The following RANBP2 variants were observed in gnomAD, a reference collection of about 807,000 sequenced individuals.
RANBP2 encodes RAN binding protein 2.
Under a neutral mutation model 303.6 loss-of-function variants are expected in RANBP2, and 57 were observed. The observed-to-expected ratio is 0.19, with a 90% CI of 0.15 to 0.23. The LOEUF is 0.23. RANBP2 is among the 10% of genes least tolerant of loss of function. RANBP2 has a pLI of 1.00. For missense variants in RANBP2, 3,138 were observed against 3,780.8 expected (o/e 0.83, Z 4.46); for synonymous variants, 1,167 against 1,301.5 (o/e 0.90, Z 2.23).
the RANBP2 span, chr2:109,614,200 G>A: frequency 9.2e-7 from 1 of 1,088,690 alleles, no homozygotes; most frequent in Non-Finnish European, 1.1e-6. Flanking sequence ...TCGCGAGGCC[G>A]GAAGTGGGCG....
At chr2:109,616,016 TAA>T in the RANBP2 span, 14 of 1,525,854 alleles carry the variant, frequency 9.2e-6, no homozygotes, top group Non-Finnish European at 1.2e-5. Context: ...AACGACCTGT[TAA>T]AGGCCACTCG....
chr2:109,370,229 C>CTCTG, the RANBP2 span, among the ~76,000 whole-genome samples: 1 of 139,474 alleles, frequency 7.2e-6, no homozygotes, highest in East Asian at 2.0e-4. Context: ...CTGTCTCTGT[C>CTCTG]TCTCTCTCTC....
chr2:109,626,166 C>A, the RANBP2 span, among the ~76,000 whole-genome samples: 2 of 152,158 alleles, frequency 1.3e-5, no homozygotes, highest in African/African-American at 4.8e-5. Flanking sequence ...ACAGTAACAT[C>A]TAGATGATAA....
At chr2:109,307,257 C>T in the RANBP2 span, among the ~76,000 whole-genome samples, 2 of 152,142 alleles carry the variant, frequency 1.3e-5, no homozygotes, top group African/African-American at 4.8e-5. Flanking sequence ...TGTGTAGCCA[C>T]ATTGATTTAA....
the RANBP2 span, among the ~76,000 whole-genome samples, chr2:108,841,911 A>G: frequency 6.6e-6 from 1 of 152,086 alleles, no homozygotes; most frequent in African/African-American, 2.4e-5. Context: ...TCTTTGTATA[A>G]CTTTTCTAAT....
At chr2:109,143,533 A>G in the RANBP2 span, among the ~76,000 whole-genome samples, 2 of 152,152 alleles carry the variant, frequency 1.3e-5, no homozygotes, top group Non-Finnish European at 2.9e-5. Context: ...GCTTCAGCCC[A>G]GGAGCTTGAG....
the RANBP2 span, among the ~76,000 whole-genome samples, chr2:109,533,355 C>T: frequency 6.6e-6 from 1 of 152,192 alleles, no homozygotes; most frequent in South Asian, 2.1e-4. Flanking sequence ...TTAGTGTGCT[C>T]TCTGTGTATC....
At chr2:109,181,482 AACAC>A in the RANBP2 span, among the ~76,000 whole-genome samples, 1 of 151,640 alleles carries the variant, frequency 6.6e-6, no homozygotes, top group Admixed American at 6.6e-5. Context: ...CCACTGGTGT[AACAC>A]ACACACACAC....
chr2:109,010,912 C>T, the RANBP2 span, among the ~76,000 whole-genome samples: 37 of 152,212 alleles, frequency 2.4e-4, no homozygotes, highest in African/African-American at 8.2e-4. Flanking sequence ...CTACAGGTTG[C>T]TGACGATGTG....
chr2:109,338,306 G>T, the RANBP2 span, among the ~76,000 whole-genome samples: 164 of 152,240 alleles, frequency 1.1e-3, no homozygotes, highest in African/African-American at 3.7e-3. Flanking sequence ...AGCAGGCAGG[G>T]TGTGGCAGAA....
chr2:109,021,305 C>G, the RANBP2 span, among the ~76,000 whole-genome samples: 1 of 152,032 alleles, frequency 6.6e-6, no homozygotes, highest in Non-Finnish European at 1.5e-5. Context: ...GGGTGGATCA[C>G]GAGGTCAGGA....
chr2:108,763,177 A>G, intron 19 of RANBP2, 60 bp from the exon 20 acceptor site: 1 of 1,566,392 alleles, frequency 6.4e-7, no homozygotes, highest in Non-Finnish European at 8.8e-7. Context: ...ATTGGTTTGC[A>G]TTTAGTTATC....
the RANBP2 span, among the ~76,000 whole-genome samples, chr2:108,828,917 G>A: frequency 6.6e-6 from 1 of 152,104 alleles, no homozygotes; most frequent in Non-Finnish European, 1.5e-5. Context: ...GGTGGAGGTT[G>A]CAGTGAGCCG....
chr2:109,497,981 A>T, the RANBP2 span, among the ~76,000 whole-genome samples: 3 of 152,128 alleles, frequency 2.0e-5, no homozygotes, highest in African/African-American at 7.2e-5. Flanking sequence ...CACAGGTAGG[A>T]TGGCGCTGAT....
the RANBP2 span, among the ~76,000 whole-genome samples, chr2:109,002,144 C>G: frequency 1.6e-4 from 24 of 152,304 alleles, no homozygotes; most frequent in African/African-American, 5.8e-4. Flanking sequence ...TTGCTGTCCC[C>G]CAACTCTTTC....
the RANBP2 span, among the ~76,000 whole-genome samples, chr2:109,249,893 C>T: frequency 4.0e-5 from 6 of 151,330 alleles, no homozygotes; most frequent in African/African-American, 1.2e-4. Flanking sequence ...ACTGTGTTAG[C>T]CAGGATGGTC....
the RANBP2 span, among the ~76,000 whole-genome samples, chr2:109,418,256 G>C: frequency 6.6e-6 from 1 of 152,140 alleles, no homozygotes; most frequent in Non-Finnish European, 1.5e-5. Flanking sequence ...TCCTTGAAGG[G>C]AGGTGGACCC....
the RANBP2 span, among the ~76,000 whole-genome samples, chr2:109,360,562 A>C: frequency 1.3e-5 from 2 of 152,242 alleles, no homozygotes; most frequent in African/African-American, 4.8e-5. Flanking sequence ...AATATTCCAA[A>C]ATCTGAAAAC....
the RANBP2 span, among the ~76,000 whole-genome samples, chr2:109,699,811 C>T: frequency 6.6e-5 from 10 of 152,196 alleles, no homozygotes; most frequent in South Asian, 4.2e-4. Context: ...AGTGAGACCT[C>T]GGTTGGGGAC....
Sources: gnomAD v4.1 joint callset for allele counts (sites outside exome capture counted in the v4.1 genomes callset) on GRCh38, gnomAD v4.1.1 for gene constraint, MANE v1.5 for transcripts, NCBI Gene and HGNC (gene_info 2026-07-23, HGNC 2026-07-21) for gene names.